The following NIPBL variants were observed in gnomAD, a reference collection of about 807,000 sequenced individuals.
NIPBL encodes nipped-B-like protein.
A neutral mutation model predicts 321.8 loss-of-function variants in NIPBL; 19 were observed. That is an observed-to-expected ratio of 0.06 (90% CI 0.04 to 0.09). The LOEUF (loss-of-function observed/expected upper bound fraction) is 0.09. NIPBL is among the 10% of genes least tolerant of loss of function. The pLI is 1.00. For synonymous variants in NIPBL, 1,106 were observed against 1,114.1 expected (o/e 0.99, Z 0.14); for missense variants, 2,210 against 3,327.0 (o/e 0.66, Z 8.26).
At chr5:36,971,326 C>T (rs1017096385) in intron 7 of NIPBL, among the ~76,000 whole-genome samples, 5 of 151,344 alleles carry the variant, frequency 3.3e-5, no homozygotes, top group Non-Finnish European at 7.4e-5. Context: ...AATATTTATT[C>T]TCTGTTCCTT....
chr5:36,920,179 T>A (rs1748821965), intron 1 of NIPBL, among the ~76,000 whole-genome samples: 1 of 152,138 alleles, frequency 6.6e-6, no homozygotes, highest in Non-Finnish European at 1.5e-5. Context: ...GTGACACAAA[T>A]GCATATGTTT....
intron 34 of NIPBL, among the ~76,000 whole-genome samples, chr5:37,042,923 ATATAACT>A (rs1752588686): frequency 6.6e-6 from 1 of 151,788 alleles, no homozygotes; most frequent in African/African-American, 2.4e-5. Context: ...ACACACACAC[ATATAACT>A]TTGATTGCCT....
intron 1 of NIPBL, among the ~76,000 whole-genome samples, chr5:36,915,558 A>G (rs529974766): frequency 6.6e-6 from 1 of 152,248 alleles, no homozygotes; most frequent in East Asian, 1.9e-4. Flanking sequence ...TCAAAATCAT[A>G]CTCTTATGAA....
At chr5:36,998,890 C>T (rs548891776) in intron 11 of NIPBL, among the ~76,000 whole-genome samples, 107 of 152,252 alleles carry the variant, frequency 7.0e-4, no homozygotes, top group Non-Finnish European at 1.2e-3. Flanking sequence ...TCTTCACATA[C>T]GTCATAACCA....
rs745426441 is a variant in NIPBL at position 36,985,968 on chromosome 5, A to C, written c.2788A>C (p.Thr930Pro). The change falls in exon 10 of 47, where the codon ACT (threonine) becomes CCT (proline). Residue 930 changes from threonine to proline, a missense_variant. Coordinates refer to ENST00000282516, the MANE Select transcript of NIPBL (RefSeq NM_133433.4). ...RTEGNKSKVD[T>P]NKAHPDNKAE... ...AGAGGGTAACAAGAGTAAAGTAGAC[A>C]CTAATAAAGCACACCCTGACAATAA... 1 of 1,613,986 alleles carries C rather than the reference A, an allele frequency of 6.2e-7. No homozygotes were observed. Among genetic ancestry groups the C allele is most frequent in the Non-Finnish European group, 8.5e-7 (1 of 1,179,930 alleles).
Position 37,065,037 on chromosome 5 carries a change from C to A in NIPBL, c.*145C>A. 1.0e-6 allele frequency: 1 copy of A among 984,696 alleles called. No homozygotes were observed. 61.0% of individuals were successfully genotyped at this position (984,696 alleles called of 1,614,324 possible). A position where few individuals can be genotyped will look rare whatever the true frequency, so the allele number is the denominator to read the frequency against. On this transcript the variant is annotated 3_prime_UTR_variant, in exon 47 of 47. Transcript: ENST00000282516. ...AGGAACAAAAGAAGGAAATGTTGGGCAAACATTTTTGTGGGAGCTCCCTTC... is the reference window on the plus strand; with the variant it reads ...AGGAACAAAAGAAGGAAATGTTGGGAAAACATTTTTGTGGGAGCTCCCTTC...
chr5:36,940,909 A>T (rs1428891049), intron 1 of NIPBL, among the ~76,000 whole-genome samples: 1 of 152,170 alleles, frequency 6.6e-6, no homozygotes, highest in Admixed American at 6.6e-5. Flanking sequence ...AATTTATCAC[A>T]AATATGTAAT....
intron 34 of NIPBL, 123 bp from the exon 35 acceptor site, chr5:37,044,224 C>CA: frequency 2.6e-6 from 2 of 776,060 alleles, no homozygotes; most frequent in Non-Finnish European, 2.0e-6. Flanking sequence ...CTCTAACAGA[C>CA]TTTTTTTTTT....
intron 34 of NIPBL, among the ~76,000 whole-genome samples, chr5:37,043,330 C>G (rs916822221): frequency 2.0e-5 from 3 of 152,062 alleles, no homozygotes; most frequent in Admixed American, 6.5e-5. Context: ...GAGTCCTAGA[C>G]CAGCCTGGCC....
chr5:37,042,148 C>G (rs1752454402), intron 34 of NIPBL, among the ~76,000 whole-genome samples: 1 of 151,814 alleles, frequency 6.6e-6, no homozygotes, highest in South Asian at 2.1e-4. Flanking sequence ...TCAAAAAGTC[C>G]AAAATGGGCT....
chr5:37,023,282 T>C (rs1344986357), intron 29 of NIPBL, among the ~76,000 whole-genome samples: 1 of 152,216 alleles, frequency 6.6e-6, no homozygotes, highest in Non-Finnish European at 1.5e-5. Context: ...ACGTATCTGA[T>C]AAACTCTGAT....
intron 24 of NIPBL, 127 bp from the exon 25 acceptor site, chr5:37,019,184 T>G: frequency 1.5e-6 from 1 of 688,226 alleles, no homozygotes. Flanking sequence ...GTTTTTTCCT[T>G]TTAGTTACTG....
intron 6 of NIPBL, among the ~76,000 whole-genome samples, chr5:36,965,256 C>T (rs557969559): frequency 6.6e-6 from 1 of 152,002 alleles, no homozygotes; most frequent in African/African-American, 2.4e-5. Flanking sequence ...CACAAAATAG[C>T]CAAAATATGG....
chr5:36,982,904 T>A (rs1178667886), intron 9 of NIPBL, among the ~76,000 whole-genome samples: 1 of 151,908 alleles, frequency 6.6e-6, no homozygotes, highest in African/African-American at 2.4e-5. Flanking sequence ...TTTAATTATT[T>A]TTACAAAGCA....
intron 1 of NIPBL, among the ~76,000 whole-genome samples, chr5:36,940,915 G>A (rs1379284692): frequency 6.6e-6 from 1 of 152,148 alleles, no homozygotes; most frequent in African/African-American, 2.4e-5. Flanking sequence ...TCACAAATAT[G>A]TAATTATATG....
At chr5:37,009,273 A>G (rs1399306375) in intron 20 of NIPBL, among the ~76,000 whole-genome samples, 1 of 152,170 alleles carries the variant, frequency 6.6e-6, no homozygotes, top group Non-Finnish European at 1.5e-5. Context: ...TAATGGCAGT[A>G]TGGAGAATAA....
intron 29 of NIPBL, 131 bp from the exon 30 acceptor site, chr5:37,024,454 A>G (rs1750031502): frequency 1.2e-5 from 8 of 693,714 alleles, no homozygotes; most frequent in Middle Eastern, 3.9e-4. Context: ...AGCATGTAAA[A>G]AGCAAATATG....
chr5:37,038,513 GA>G (rs1751972700), intron 33 of NIPBL, 88 bp from the exon 34 acceptor site: 9 of 1,193,852 alleles, frequency 7.5e-6, no homozygotes, highest in Admixed American at 3.8e-5. Flanking sequence ...CTATTTAGGG[GA>G]TAATATTAAG....
chr5:37,012,345 TTC>T (rs1037744791), intron 21 of NIPBL, among the ~76,000 whole-genome samples: 1 of 151,068 alleles, frequency 6.6e-6, no homozygotes, highest in African/African-American at 2.4e-5. Flanking sequence ...CTTGGTGATA[TTC>T]TCTTTTTATT....
Sources: gnomAD v4.1 joint callset for allele counts (sites outside exome capture counted in the v4.1 genomes callset) on GRCh38, gnomAD v4.1.1 for gene constraint, MANE v1.5 for transcripts, NCBI Gene and HGNC (gene_info 2026-07-23, HGNC 2026-07-21) for gene names.